The following MAD1L1 variants were observed in gnomAD, a reference collection of about 807,000 sequenced individuals.
The protein encoded by MAD1L1 is mitotic arrest deficient 1 like 1.
A neutral mutation model predicts 96.9 loss-of-function variants in MAD1L1; 95 were observed. The ratio of observed to expected loss-of-function variants is 0.98; its 90% CI spans 0.83 to 1.16. MAD1L1 has a LOEUF of 1.16. Ranked by LOEUF, MAD1L1 falls within the 50% of genes most tolerant of loss-of-function variation. The probability of loss-of-function intolerance (pLI) is 0.00; values close to 1 mark genes in which losing one functional copy is unlikely to be tolerated. For missense variants in MAD1L1, 1,007 were observed against 954.4 expected (o/e 1.06, Z -0.73); for synonymous variants, 473 against 396.6 (o/e 1.19, Z -2.29).
chr7:2,070,819 G>A (rs745310144), intron 11 of MAD1L1, among the ~76,000 whole-genome samples: 7 of 152,238 alleles, frequency 4.6e-5, no homozygotes, highest in Non-Finnish European at 7.3e-5. Context: ...CCACCCTCAC[G>A]TTCACACCTT....
intron 18 of MAD1L1, among the ~76,000 whole-genome samples, chr7:1,829,222 C>T (rs749082293): frequency 3.3e-5 from 5 of 152,362 alleles, no homozygotes; most frequent in Admixed American, 6.5e-5. Context: ...CCCGCATCAG[C>T]GCCAGCCCTT....
chr7:2,064,566 G>A (rs961997629), intron 12 of MAD1L1, among the ~76,000 whole-genome samples: 7 of 152,126 alleles, frequency 4.6e-5, no homozygotes, highest in Non-Finnish European at 1.0e-4. Flanking sequence ...GAGGACAGAG[G>A]ATTCTCCTAG....
At chr7:2,038,909 T>C (rs190551426) in intron 12 of MAD1L1, among the ~76,000 whole-genome samples, 3 of 152,250 alleles carry the variant, frequency 2.0e-5, no homozygotes, top group South Asian at 2.1e-4. Context: ...TTCCTCCCAA[T>C]AGCAACATCT....
intron 10 of MAD1L1, among the ~76,000 whole-genome samples, chr7:2,188,549 A>T (rs977177522): frequency 2.0e-5 from 3 of 152,216 alleles, no homozygotes; most frequent in African/African-American, 7.2e-5. Flanking sequence ...CGTATGCTCA[A>T]ATAATTTTTG....
At chr7:1,921,774 G>A (rs1431894419) in intron 17 of MAD1L1, among the ~76,000 whole-genome samples, 1 of 152,138 alleles carries the variant, frequency 6.6e-6, no homozygotes, top group Non-Finnish European at 1.5e-5. Flanking sequence ...TAAATCTACG[G>A]GGAAGGAAGG....
In MAD1L1 at chr7:2,069,244, G is replaced by A. The variant is rs1296144770; in HGVS notation, c.1168C>T (p.His390Tyr). 1 of 1,611,422 alleles carries A rather than the reference G, an allele frequency of 6.2e-7. No individual in the cohort carries two copies. The highest frequency in any genetic ancestry group is 8.5e-7 in the Non-Finnish European group (1 of 1,179,266). Residue 390 changes from histidine to tyrosine, a missense_variant, in exon 12 of 19, where the codon CAC becomes TAC. Transcript: ENST00000265854. ...TGGAGCCTCCGGGCCAGCGCCTCGT[G>A]GGTCTCGCGCTTCTTCCTCTCCTCC... ...LLEERKKRET[H>Y]EALARRLQKR...
At chr7:1,826,877 G>A (rs1200276640) in intron 18 of MAD1L1, among the ~76,000 whole-genome samples, 1 of 152,204 alleles carries the variant, frequency 6.6e-6, no homozygotes, top group African/African-American at 2.4e-5. Context: ...TCTTCCCGGC[G>A]AGGGTGACCT....
chr7:2,048,060 CAG>C (rs1349174740), intron 12 of MAD1L1, among the ~76,000 whole-genome samples: 1 of 152,164 alleles, frequency 6.6e-6, no homozygotes, highest in Admixed American at 6.5e-5. Context: ...GCACTCAACA[CAG>C]ATATGCACAC....
intron 10 of MAD1L1, among the ~76,000 whole-genome samples, chr7:2,210,450 T>TGCGGCATGAGCACCA (rs1562375185): frequency 3.7e-5 from 5 of 134,834 alleles, no homozygotes; most frequent in Non-Finnish European, 3.3e-5. Flanking sequence ...TCCCGTGGAC[T>TGCGGCATGAGCACCA]CTCTAGGAGC....
At chr7:2,091,420 A>T (rs1474143311) in intron 11 of MAD1L1, among the ~76,000 whole-genome samples, 1 of 152,234 alleles carries the variant, frequency 6.6e-6, no homozygotes, top group Non-Finnish European at 1.5e-5. Flanking sequence ...GTGTTGAGCC[A>T]GTCAGGAGTT....
At chr7:2,209,638 C>A (rs903004220) in intron 10 of MAD1L1, among the ~76,000 whole-genome samples, 1 of 152,248 alleles carries the variant, frequency 6.6e-6, no homozygotes, top group African/African-American at 2.4e-5. Flanking sequence ...TGGGAAGGAT[C>A]ACCAAGGCGG....
At chr7:1,928,544 G>A (rs139390167) in intron 17 of MAD1L1, among the ~76,000 whole-genome samples, 3 of 152,364 alleles carry the variant, frequency 2.0e-5, no homozygotes, top group Non-Finnish European at 4.4e-5. Flanking sequence ...GACGATCTCA[G>A]CTTGGCACAG....
chr7:1,839,317 T>C (rs1466748534), intron 18 of MAD1L1, among the ~76,000 whole-genome samples: 18 of 69,606 alleles, frequency 2.6e-4, no homozygotes, highest in African/African-American at 7.4e-4. Flanking sequence ...GGGCTCTGCC[T>C]CCTGCCTGGC....
At chr7:1,988,400 G>T (rs1322316917) in intron 14 of MAD1L1, among the ~76,000 whole-genome samples, 1 of 152,188 alleles carries the variant, frequency 6.6e-6, no homozygotes, top group Non-Finnish European at 1.5e-5. Context: ...ACTTTGTGGA[G>T]CGCCCAGCCT....
At chr7:2,014,454 G>A in intron 13 of MAD1L1, 48 bp downstream of exon 13, 2 of 1,517,566 alleles carry the variant, frequency 1.3e-6, no homozygotes, top group African/African-American at 1.4e-5. Context: ...GGCCCACCGG[G>A]AAGAAGCCCC....
At chr7:1,834,376 G>A (rs1471669618) in intron 18 of MAD1L1, among the ~76,000 whole-genome samples, 2 of 152,196 alleles carry the variant, frequency 1.3e-5, no homozygotes, top group African/African-American at 4.8e-5. Context: ...ACCCAAAGCT[G>A]TTTCTAGCCA....
rs940152717 is a variant in MAD1L1, at chr7:2,162,187, T to A, written c.987-12949A>T. Among the ~76,000 whole-genome samples, 10 of 152,356 alleles carry A rather than the reference T, an allele frequency of 6.6e-5. 1 individual carries two copies. Among genetic ancestry groups the A allele is most frequent in the African/African-American group, 2.4e-4 (10 of 41,594 alleles). Reference sequence around the variant, plus strand: ...GGAAAAGAAAGAGAGATCAGATTGTTACTGTGTCTGTGTAGAAAGAAGTAG... The same window carrying A: ...GGAAAAGAAAGAGAGATCAGATTGTAACTGTGTCTGTGTAGAAAGAAGTAG... On this transcript the variant is annotated intron_variant, in intron 10 of 18. Transcript: ENST00000265854.
chr7:2,184,046 C>T (rs1791337508), intron 10 of MAD1L1, among the ~76,000 whole-genome samples: 1 of 151,824 alleles, frequency 6.6e-6, no homozygotes, highest in South Asian at 2.1e-4. Flanking sequence ...GTCAGGAAAT[C>T]GAGACCATCC....
chr7:1,965,038 A>C (rs1780105564), intron 15 of MAD1L1, among the ~76,000 whole-genome samples: 1 of 152,104 alleles, frequency 6.6e-6, no homozygotes, highest in Non-Finnish European at 1.5e-5. Context: ...ACCACACTTC[A>C]CATTTTACTT....
Sources: gnomAD v4.1 joint callset for allele counts (sites outside exome capture counted in the v4.1 genomes callset) on GRCh38, gnomAD v4.1.1 for gene constraint, MANE v1.5 for transcripts, NCBI Gene and HGNC (gene_info 2026-07-23, HGNC 2026-07-21) for gene names.